Variants in UGT1A1 observed in about 807,000 individuals in gnomAD.
The protein encoded by UGT1A1 is UDP-glucuronosyltransferase 1A1.
Under a neutral mutation model 40.6 loss-of-function variants are expected in UGT1A1, and 33 were observed. The ratio of observed to expected loss-of-function variants is 0.81; its 90% CI spans 0.62 to 1.09. UGT1A1 has a LOEUF of 1.09. Among genes scored for constraint, UGT1A1 ranks in the 50% least tolerant of loss-of-function variants. The pLI, the probability that UGT1A1 is intolerant of heterozygous loss-of-function variation, is 0.00. For missense variants in UGT1A1, 694 were observed against 671.2 expected (o/e 1.03, Z -0.38); for synonymous variants, 249 against 265.0 (o/e 0.94, Z 0.59).
At position 233,772,325 on chromosome 2, in the gene UGT1A1, C is replaced by CGTGTT; in HGVS notation, c.1368_1369insGTGTT (p.Leu457ValfsTer11). The CGTGTT allele has an allele frequency of 6.2e-7, 1 of 1,614,136 alleles. No individual in the cohort carries two copies. Among genetic ancestry groups the CGTGTT allele is most frequent in the Non-Finnish European group, 8.5e-7 (1 of 1,180,020 alleles). ...AGGACCGCCCGGTGGAGCCGCTGGA[C>CGTGTT]CTGGCCGTGTTCTGGGTGGAGTTTG... On this transcript the variant is annotated frameshift_variant, in exon 5 of 5. Transcript: ENST00000305208. LOFTEE classifies it high-confidence loss of function.
Position 233,760,610 on chromosome 2 carries a change from G to A in UGT1A1, c.323G>A (p.Arg108His). 5 of 1,614,182 alleles carry A rather than the reference G, an allele frequency of 3.1e-6. No homozygotes were observed. Among genetic ancestry groups the A allele is most frequent in the Non-Finnish European group, 3.4e-6 (4 of 1,180,034 alleles). ...NVFENDSFLQ[R>H]VIKTYKKIKK... The stretch of plus-strand genomic sequence containing the variant: ...TTTGAGAATGATTCTTTCCTGCAGC[G>A]TGTGATCAAAACATACAAGAAAATA... Residue 108 changes from arginine to histidine, a missense_variant, in exon 1 of 5, where the codon CGT becomes CAT. Coordinates refer to ENST00000305208, the MANE Select transcript of UGT1A1 (RefSeq NM_000463.3).
intron 4 of UGT1A1, among the ~76,000 whole-genome samples, 167 bp from the exon 5 acceptor site, chr2:233,772,095 A>T (rs35172078): frequency 0.012 from 1,767 of 152,322 alleles, 16 homozygotes; most frequent in Middle Eastern, 0.031. Context: ...CCCGGGCAAC[A>T]GGGCAAGACT....
At chr2:233,766,900 T>A (rs1336240432) in intron 1 of UGT1A1, 134 bp from the exon 2 acceptor site, 2 of 1,488,982 alleles carry the variant, frequency 1.3e-6, no homozygotes, top group Admixed American at 4.8e-5. Flanking sequence ...ATATTAATAA[T>A]TTTTTACTCT....
chr2:233,761,187 T>C, intron 1 of UGT1A1, 36 bp downstream of exon 1: 1 of 1,614,214 alleles, frequency 6.2e-7, no homozygotes, highest in Non-Finnish European at 8.5e-7. Context: ...ATGCGTATAT[T>C]CTTTCAGATG....
Position 233,772,382 on chromosome 2 carries a change from C to T in UGT1A1, c.1425C>T (p.Arg475=). 5 of 1,614,256 alleles carry T rather than the reference C, an allele frequency of 3.1e-6. No homozygotes were observed. The highest frequency in any genetic ancestry group is 2.5e-6 in the Non-Finnish European group (3 of 1,180,048). ...GGCACAAGGGCGCGCCACACCTGCGCCCCGCAGCCCACGACCTCACCTGGT... is the reference window on the plus strand; with the variant it reads ...GGCACAAGGGCGCGCCACACCTGCGTCCCGCAGCCCACGACCTCACCTGGT... ...VMRHKGAPHL[R]PAAHDLTWYQ... The change falls in exon 5 of 5, where the codon CGC becomes CGT. Residue 475 remains arginine, a synonymous_variant. Coordinates refer to ENST00000305208, the MANE Select transcript of UGT1A1 (RefSeq NM_000463.3).
At chr2:233,770,522 G>A (rs1294728713) in intron 4 of UGT1A1, 1 of 152,120 alleles carries the variant, frequency 6.6e-6, no homozygotes. Context: ...CCCAGGCATG[G>A]TGGTGTATGC....
intron 1 of UGT1A1, 122 bp from the exon 2 acceptor site, chr2:233,766,912 T>C: frequency 6.5e-7 from 1 of 1,532,250 alleles, no homozygotes; most frequent in African/African-American, 1.4e-5. Context: ...TTTTACTCTA[T>C]CTCAAACACG....
At chr2:233,761,962 G>A (rs1257423083) in intron 1 of UGT1A1, among the ~76,000 whole-genome samples, 1 of 152,228 alleles carries the variant, frequency 6.6e-6, no homozygotes, top group Non-Finnish European at 1.5e-5. Flanking sequence ...CCATTAAGGG[G>A]ACTGATATCA....
In UGT1A1 at chr2:233,761,011, G is replaced by T; in HGVS notation, c.724G>T (p.Val242Leu). ...TLASEFLQRE[V>L]TVQDLLSSAS... is the part of the protein sequence containing the mutation. Reference sequence around the variant, plus strand: ...TGCCTCAGAATTCCTTCAGAGAGAGGTGACTGTCCAGGACCTATTGAGCTC... The same window carrying T: ...TGCCTCAGAATTCCTTCAGAGAGAGTTGACTGTCCAGGACCTATTGAGCTC... Residue 242 changes from valine to leucine, a missense_variant, in exon 1 of 5, where the codon GTG becomes TTG. Transcript: ENST00000305208. 1 of 1,614,156 alleles carries T rather than the reference G, an allele frequency of 6.2e-7. No homozygotes were observed. Among genetic ancestry groups the T allele is most frequent in the Non-Finnish European group, 8.5e-7 (1 of 1,180,030 alleles).
In UGT1A1 at chr2:233,769,362, G is replaced by A. The variant is rs1315939386; in HGVS notation, c.1304+923G>A. On this transcript the variant is annotated intron_variant, in intron 4 of 4. Coordinates refer to ENST00000305208, the MANE Select transcript of UGT1A1 (RefSeq NM_000463.3). The surrounding 1 kb of genome is among the most constrained non-coding windows in gnomAD (Gnocchi z 4.4). ...ACCTTATGGGAAGAAGTGGTGGCCAGTGGTAGATTTCATCCGACAATAGAT... is the reference window on the plus strand; with the variant it reads ...ACCTTATGGGAAGAAGTGGTGGCCAATGGTAGATTTCATCCGACAATAGAT... Among the ~76,000 whole-genome samples, 1 of 152,244 alleles carries A rather than the reference G, an allele frequency of 6.6e-6. No homozygotes were observed.
intron 1 of UGT1A1, among the ~76,000 whole-genome samples, chr2:233,761,552 A>T (rs1697800499): frequency 6.6e-6 from 1 of 152,250 alleles, no homozygotes; most frequent in Admixed American, 6.5e-5. Context: ...TGATGATGAT[A>T]GATCCTGGAA....
intron 4 of UGT1A1, chr2:233,770,928 C>T (rs1253258024): frequency 6.6e-6 from 1 of 152,180 alleles, no homozygotes; most frequent in African/African-American, 2.4e-5. Context: ...GCTGACATCA[C>T]TTGGCTGCCG....
At chr2:233,772,069 T>A (rs2126064958) in intron 4 of UGT1A1, among the ~76,000 whole-genome samples, 193 bp from the exon 5 acceptor site, 1 of 152,274 alleles carries the variant, frequency 6.6e-6, no homozygotes, top group East Asian at 1.9e-4. Context: ...GCCATGCTTG[T>A]GCCACTACAC....
Position 233,772,527 on chromosome 2 carries a change from G to C in UGT1A1, c.1570G>C (p.Val524Leu), listed in dbSNP as rs769084242. The part of the protein sequence containing the change: ...YRKCLGKKGR[V>L]KKAHKSKTH ...GAAATGCTTGGGGAAAAAAGGGCGA[G>C]TTAAGAAAGCCCACAAATCCAAGAC... Residue 524 changes from valine to leucine, a missense_variant, in exon 5 of 5, where the codon GTT (valine) becomes CTT (leucine). Physicochemically the swap from Val to Leu is conservative, Grantham distance 32 (BLOSUM62 1). Coordinates refer to ENST00000305208, the MANE Select transcript of UGT1A1 (RefSeq NM_000463.3). The C allele has an allele frequency of 1.9e-6, 3 of 1,614,046 alleles. No homozygotes were observed. The highest frequency in any genetic ancestry group is 1.6e-4 in the Middle Eastern group (1 of 6,084).
Position 233,769,609 on chromosome 2 carries a change from C to T in UGT1A1, c.1304+1170C>T, listed in dbSNP as rs776582226. The T allele has an allele frequency of 3.7e-6, 6 of 1,612,752 alleles. No individual in the cohort carries two copies. Among genetic ancestry groups the T allele is most frequent in the Non-Finnish European group, 5.1e-6 (6 of 1,179,862 alleles). On this transcript the variant is annotated intron_variant, in intron 4 of 4. Transcript: ENST00000305208. The surrounding 1 kb of genome is among the most constrained non-coding windows in gnomAD (Gnocchi z 4.4). ...AGAGGAGACGGAACACGGGGACACACCAGCTTGAGCAAGGGACAACAGGGG... is the reference window on the plus strand; with the variant it reads ...AGAGGAGACGGAACACGGGGACACATCAGCTTGAGCAAGGGACAACAGGGG...
chr2:233,760,574 G>A lies in UGT1A1; in HGVS notation c.287G>A (p.Gly96Glu), dbSNP rs1287104845. Residue 96 changes from glycine (G) to glutamate (E), a missense_variant, in exon 1 of 5, where the codon GGG becomes GAG. Coordinates refer to ENST00000305208, the MANE Select transcript of UGT1A1 (RefSeq NM_000463.3). ...GTGAAAGAGTCTTTTGTTAGTCTCG[G>A]GCATAATGTTTTTGAGAATGATTCT... ...EDVKESFVSLGHNVFENDSFL... is the reference protein window; with the variant it reads ...EDVKESFVSLEHNVFENDSFL... The A allele has an allele frequency of 6.2e-7, 1 of 1,614,190 alleles. No individual in the cohort carries two copies. The highest frequency in any genetic ancestry group is 1.3e-5 in the African/African-American group (1 of 75,038).
At chr2:233,767,255 G>C in intron 2 of UGT1A1, 90 bp downstream of exon 2, 1 of 1,596,760 alleles carries the variant, frequency 6.3e-7, no homozygotes, top group Non-Finnish European at 8.5e-7. Flanking sequence ...CTCTTAATTG[G>C]AACCTTAGAT....
intron 2 of UGT1A1, 140 bp downstream of exon 2, chr2:233,767,305 G>A (rs907806050): frequency 6.6e-7 from 1 of 1,518,864 alleles, no homozygotes; most frequent in Admixed American, 2.3e-5. Flanking sequence ...TAATCCAAAG[G>A]TTTTTTTTGT....
At position 233,772,474 on chromosome 2, in the gene UGT1A1, C is replaced by G; in HGVS notation, c.1517C>G (p.Thr506Ser). The G allele has an allele frequency of 6.2e-7, 1 of 1,614,104 alleles. No individual in the cohort carries two copies. Among genetic ancestry groups the G allele is most frequent in the Non-Finnish European group, 8.5e-7 (1 of 1,180,024 alleles). Residue 506 changes from threonine (T) to serine (S), a missense_variant, in exon 5 of 5, where the codon ACC (threonine) becomes AGC (serine). By Grantham distance (58) the Thr-to-Ser change is moderately conservative. Transcript: ENST00000305208. ...GTCGTGCTGACAGTGGCCTTCATCA[C>G]CTTTAAATGTTGTGCTTATGGCTAC... is the stretch of plus-strand genomic sequence containing the variant. The part of the protein sequence containing the change: ...LAVVLTVAFI[T>S]FKCCAYGYRK...
Sources: allele counts gnomAD v4.1 joint callset (sites outside exome capture counted in the v4.1 genomes callset), GRCh38; gene constraint gnomAD v4.1.1; non-coding constraint Gnocchi (gnomAD v3.1); transcripts MANE v1.5; gene names NCBI Gene and HGNC (gene_info 2026-07-23, HGNC 2026-07-21).